The following VTI1A variants were observed in gnomAD, a reference collection of about 807,000 sequenced individuals.
The protein encoded by VTI1A is vesicle transport through interaction with t-SNAREs homolog 1A.
VTI1A carries 22 observed loss-of-function variants against 34.9 expected under a neutral mutation model. That is an observed-to-expected ratio of 0.63 (90% CI 0.45 to 0.90). The LOEUF (loss-of-function observed/expected upper bound fraction) is 0.90. Among genes scored for constraint, VTI1A ranks in the 40% least tolerant of loss-of-function variants. VTI1A has a pLI of 0.00. For synonymous variants in VTI1A, 87 were observed against 97.3 expected (o/e 0.89, Z 0.62); for missense variants, 268 against 275.6 (o/e 0.97, Z 0.20).
intron 7 of VTI1A, among the ~76,000 whole-genome samples, chr10:112,805,017 C>G (rs532428638): frequency 8.6e-5 from 13 of 151,774 alleles, no homozygotes; most frequent in African/African-American, 3.1e-4. Flanking sequence ...TGCCCCACCA[C>G]GCCTGGCTAT....
In VTI1A at chr10:112,767,193, C is replaced by CTAAG. The variant is rs1012845327; in HGVS notation, c.561-48096_561-48093dup. Among the ~76,000 whole-genome samples the CTAAG allele has an allele frequency of 2.0e-5, 3 of 152,188 alleles. No homozygotes were observed. Among genetic ancestry groups the CTAAG allele is most frequent in the African/African-American group, 7.2e-5 (3 of 41,436 alleles). On this transcript the variant is annotated intron_variant, in intron 7 of 7. Coordinates refer to ENST00000393077, the MANE Select transcript of VTI1A (RefSeq NM_145206.4). The surrounding 1 kb of genome is among the most constrained non-coding windows in gnomAD (Gnocchi z 4.0). The stretch of plus-strand genomic sequence containing the variant: ...GCCTTACTGTGTGTCAGGTACTGTG[C>CTAAG]TAAGCTCTTATATGTGTTAGCGCAT...
intron 3 of VTI1A, 32 bp from the exon 4 acceptor site, chr10:112,527,055 C>G (rs994457696): frequency 1.2e-6 from 2 of 1,607,126 alleles, no homozygotes; most frequent in Non-Finnish European, 1.7e-6. Context: ...TAACGTTCCT[C>G]TCACTCTCTC....
intron 7 of VTI1A, among the ~76,000 whole-genome samples, chr10:112,685,467 C>T (rs1029241883): frequency 2.0e-5 from 3 of 152,044 alleles, no homozygotes; most frequent in African/African-American, 7.2e-5. Flanking sequence ...TTTTCTTTAT[C>T]CTATTGCCTC....
At chr10:112,737,672 C>T (rs762089307) in intron 7 of VTI1A, 53 of 1,054,512 alleles carry the variant, frequency 5.0e-5, no homozygotes, top group Non-Finnish European at 5.7e-5. Context: ...AAGAGCACTC[C>T]ATCCATGTGC....
At chr10:112,504,410 A>G (rs576143593) in intron 3 of VTI1A, among the ~76,000 whole-genome samples, 12 of 152,290 alleles carry the variant, frequency 7.9e-5, no homozygotes, top group African/African-American at 2.9e-4. Context: ...CACACGAAAG[A>G]CAGCATATGC....
At chr10:112,577,962 A>T (rs559741917) in intron 5 of VTI1A, among the ~76,000 whole-genome samples, 1 of 152,332 alleles carries the variant, frequency 6.6e-6, no homozygotes, top group African/African-American at 2.4e-5. Context: ...GGGGTTAATA[A>T]CGCTTATCCG....
At chr10:112,528,582 G>A (rs114074059) in intron 4 of VTI1A, among the ~76,000 whole-genome samples, 26 of 152,222 alleles carry the variant, frequency 1.7e-4, no homozygotes, top group African/African-American at 5.8e-4. Context: ...ATAATGTGAG[G>A]ATGAGAGAAA....
chr10:112,599,548 G>C (rs1844804728), intron 5 of VTI1A, among the ~76,000 whole-genome samples: 1 of 152,172 alleles, frequency 6.6e-6, no homozygotes, highest in Admixed American at 6.5e-5. Context: ...TTCAATGCCA[G>C]AGACTTTCTT....
At chr10:112,467,477 T>A (rs543041418) in intron 3 of VTI1A, among the ~76,000 whole-genome samples, 1 of 151,708 alleles carries the variant, frequency 6.6e-6, no homozygotes, top group East Asian at 1.9e-4. Flanking sequence ...AAAAAAAAAA[T>A]AGCAAAAAAC....
At chr10:112,793,784 C>T (rs947516756) in intron 7 of VTI1A, among the ~76,000 whole-genome samples, 6 of 152,196 alleles carry the variant, frequency 3.9e-5, no homozygotes, top group Admixed American at 6.5e-5. Context: ...CTTCTAAGGC[C>T]ATCAGGCAAA....
chr10:112,735,188 A>G (rs1181332177), intron 7 of VTI1A, among the ~76,000 whole-genome samples: 3 of 152,118 alleles, frequency 2.0e-5, no homozygotes, highest in African/African-American at 4.8e-5. Context: ...CAAGAGTTTT[A>G]TATGCAGTTG....
At chr10:112,527,278 G>T (rs1483955500) in intron 4 of VTI1A, 114 bp downstream of exon 4, 20 of 812,066 alleles carry the variant, frequency 2.5e-5, no homozygotes, top group South Asian at 1.4e-4. Flanking sequence ...ATGTGGAAGC[G>T]ATACTGTTTA....
chr10:112,510,096 A>G (rs1027218435), intron 3 of VTI1A, among the ~76,000 whole-genome samples: 5 of 152,216 alleles, frequency 3.3e-5, no homozygotes, highest in Non-Finnish European at 7.4e-5. Context: ...CAGATCAGCA[A>G]TATCTTAGTT....
chr10:112,599,859 G>A lies in VTI1A; in HGVS notation c.427+61529G>A, dbSNP rs146426024. On this transcript the variant is annotated intron_variant, in intron 5 of 7. Transcript: ENST00000393077. ...TTCCCAAAGTGCTGGGACTACAGGC[G>A]TGAGCCACAGTGCCCAGCCCACTGG... Among the ~76,000 whole-genome samples the A allele has an allele frequency of 7.1e-3, 1,083 of 152,294 alleles. 9 individuals are homozygous for A. The highest frequency in any genetic ancestry group is 0.014 in the Admixed American group (210 of 15,302).
chr10:112,564,563 T>C (rs957726666), intron 5 of VTI1A, among the ~76,000 whole-genome samples: 2 of 152,182 alleles, frequency 1.3e-5, no homozygotes, highest in Non-Finnish European at 2.9e-5. Context: ...ACTTCTTCCT[T>C]GTTTAAACAG....
chr10:112,700,537 A>G (rs1848974310), intron 7 of VTI1A, among the ~76,000 whole-genome samples: 1 of 152,228 alleles, frequency 6.6e-6, no homozygotes, highest in Admixed American at 6.5e-5. Context: ...CATAATAAAC[A>G]TACTCTGCAT....
intron 5 of VTI1A, among the ~76,000 whole-genome samples, chr10:112,633,435 T>G (rs1408391385): frequency 6.6e-6 from 1 of 152,150 alleles, no homozygotes; most frequent in African/African-American, 2.4e-5. Flanking sequence ...TCAAGTATAA[T>G]GGAAAAGTTG....
chr10:112,776,351 T>C (rs1463270202), intron 7 of VTI1A, among the ~76,000 whole-genome samples: 2 of 152,216 alleles, frequency 1.3e-5, no homozygotes, highest in East Asian at 3.8e-4. Flanking sequence ...GTTTCAACTT[T>C]AGTTTTTAAC....
chr10:112,568,589 A>C (rs1370744835), intron 5 of VTI1A, among the ~76,000 whole-genome samples: 1 of 152,038 alleles, frequency 6.6e-6, no homozygotes, highest in East Asian at 1.9e-4. Context: ...GAGCCAAGAG[A>C]AGTGTTCTGT....
Sources: allele counts gnomAD v4.1 joint callset (sites outside exome capture counted in the v4.1 genomes callset), GRCh38; gene constraint gnomAD v4.1.1; non-coding constraint Gnocchi (gnomAD v3.1); transcripts MANE v1.5; gene names NCBI Gene and HGNC (gene_info 2026-07-23, HGNC 2026-07-21).